Variants in MTA3 observed in about 807,000 individuals in gnomAD.
MTA3 encodes the protein metastasis associated 1 family member 3.
Under a neutral mutation model 83.5 loss-of-function variants are expected in MTA3, and 34 were observed. That is an observed-to-expected ratio of 0.41 (90% CI 0.31 to 0.54). The LOEUF (loss-of-function observed/expected upper bound fraction) is 0.54. Among genes scored for constraint, MTA3 ranks in the 20% least tolerant of loss-of-function variants. MTA3 has a pLI of 0.33. For missense variants in MTA3, 761 were observed against 726.4 expected, an observed-to-expected ratio of 1.05 and a Z score of -0.55; for synonymous variants, 303 against 252.7, an observed-to-expected ratio of 1.20 and a Z score of -1.89.
chr2:42,540,504 T>A (rs1676471203), intron 2 of MTA3, among the ~76,000 whole-genome samples: 1 of 152,018 alleles, frequency 6.6e-6, no homozygotes, highest in Admixed American at 6.6e-5. Flanking sequence ...AAATGATCTG[T>A]CTATATTTTG....
At chr2:42,731,865 G>A (rs1470321736) in intron 16 of MTA3, among the ~76,000 whole-genome samples, 1 of 152,176 alleles carries the variant, frequency 6.6e-6, no homozygotes, top group African/African-American at 2.4e-5. Context: ...TTACTTCCTA[G>A]ATACAGTGGG....
At chr2:42,688,868 A>G (rs1692632122) in intron 9 of MTA3, among the ~76,000 whole-genome samples, 1 of 152,120 alleles carries the variant, frequency 6.6e-6, no homozygotes. Context: ...TACAGTGTTC[A>G]AAAGAAGTGA....
chr2:42,570,963 A>G (rs1407827014), intron 2 of MTA3, among the ~76,000 whole-genome samples: 1 of 152,016 alleles, frequency 6.6e-6, no homozygotes, highest in Non-Finnish European at 1.5e-5. Context: ...CGGTGAGCCA[A>G]GATTGTGCAA....
intron 8 of MTA3, among the ~76,000 whole-genome samples, chr2:42,671,681 A>T (rs1341488422): frequency 6.6e-6 from 1 of 152,170 alleles, no homozygotes; most frequent in East Asian, 1.9e-4. Context: ...TATAATTTTT[A>T]ATTTAACTTG....
chr2:42,623,327 G>A (rs1006380211), intron 4 of MTA3, among the ~76,000 whole-genome samples: 1 of 152,192 alleles, frequency 6.6e-6, no homozygotes, highest in Non-Finnish European at 1.5e-5. Context: ...GTTGCTATGC[G>A]AAGGGTACTT....
chr2:42,546,711 G>A (rs1676773966), intron 2 of MTA3, among the ~76,000 whole-genome samples: 1 of 152,102 alleles, frequency 6.6e-6, no homozygotes, highest in South Asian at 2.1e-4. Context: ...TCTATTTAGA[G>A]GCATTTCCTG....
chr2:42,549,643 TATATA>T (rs1341382808), intron 2 of MTA3, among the ~76,000 whole-genome samples: 3 of 116,112 alleles, frequency 2.6e-5, no homozygotes, highest in East Asian at 4.4e-4. Context: ...ACATATATAA[TATATA>T]ATATATTATA....
chr2:42,559,857 C>T (rs892267255), intron 2 of MTA3, among the ~76,000 whole-genome samples: 3 of 151,360 alleles, frequency 2.0e-5, no homozygotes, highest in Admixed American at 6.6e-5. Flanking sequence ...GAGATTGAGC[C>T]GCTGCACTCC....
Position 42,624,290 on chromosome 2 carries a change from C to T in MTA3, c.317+14706C>T, listed in dbSNP as rs182812840. On this transcript the variant is annotated intron_variant, in intron 4 of 16. Transcript: ENST00000405094. ...ATTTTTATTAATTTTCATTTTGTAT[C>T]TTAATGTATATTAACTTTAATTTTT... Among the ~76,000 whole-genome samples the T allele has an allele frequency of 2.4e-4, 36 of 151,606 alleles. No homozygotes were observed. In the East Asian group the frequency reaches 5.2e-3, roughly 22 times the overall value.
intron 15 of MTA3, among the ~76,000 whole-genome samples, 191 bp from the exon 16 acceptor site, chr2:42,722,698 C>G (rs1408541435): frequency 1.3e-5 from 2 of 152,124 alleles, no homozygotes; most frequent in Non-Finnish European, 2.9e-5. Context: ...AGGGAAAAAA[C>G]CAGCTTACTT....
chr2:42,610,722 A>G (rs906354685), intron 4 of MTA3, among the ~76,000 whole-genome samples: 2 of 152,146 alleles, frequency 1.3e-5, no homozygotes, highest in Non-Finnish European at 1.5e-5. Context: ...TTCAAGAGGA[A>G]TTGCTACTTA....
At chr2:42,679,143 G>T (rs138160989) in intron 8 of MTA3, among the ~76,000 whole-genome samples, 1 of 152,102 alleles carries the variant, frequency 6.6e-6, no homozygotes, top group African/African-American at 2.4e-5. Flanking sequence ...CCTCATACTT[G>T]CCCTACCTAC....
intron 8 of MTA3, among the ~76,000 whole-genome samples, chr2:42,660,868 G>T (rs916678958): frequency 1.3e-5 from 2 of 152,122 alleles, no homozygotes; most frequent in African/African-American, 2.4e-5. Flanking sequence ...AATAAAGACA[G>T]GGTCTTACTA....
At chr2:42,749,970 G>T (rs1223304348) in intron 16 of MTA3, among the ~76,000 whole-genome samples, 1 of 151,974 alleles carries the variant, frequency 6.6e-6, no homozygotes, top group Non-Finnish European at 1.5e-5. Flanking sequence ...GGATATTAAT[G>T]ATAGTGGCTT....
chr2:42,551,749 T>C (rs1301103028), intron 2 of MTA3, among the ~76,000 whole-genome samples: 1 of 151,792 alleles, frequency 6.6e-6, no homozygotes, highest in Non-Finnish European at 1.5e-5. Context: ...TAATTTTTTT[T>C]TTCTTTTTGA....
intron 2 of MTA3, among the ~76,000 whole-genome samples, chr2:42,527,792 C>T (rs779267680): frequency 6.6e-6 from 1 of 151,458 alleles, no homozygotes; most frequent in African/African-American, 2.4e-5. Context: ...AAGGGTGAGG[C>T]CAGCCTGGTC....
chr2:42,584,488 C>A (rs1216189204), intron 3 of MTA3, among the ~76,000 whole-genome samples: 1 of 151,858 alleles, frequency 6.6e-6, no homozygotes, highest in Non-Finnish European at 1.5e-5. Flanking sequence ...ATATATAATG[C>A]AAATATACAT....
chr2:42,556,307 G>A (rs1677390762), intron 2 of MTA3, among the ~76,000 whole-genome samples: 1 of 152,128 alleles, frequency 6.6e-6, no homozygotes, highest in Admixed American at 6.5e-5. Flanking sequence ...TTCTGGAGGA[G>A]AGCCCTAGAC....
At chr2:42,559,462 A>G (rs1663480344) in intron 2 of MTA3, among the ~76,000 whole-genome samples, 1 of 151,198 alleles carries the variant, frequency 6.6e-6, no homozygotes. Context: ...AGATCATGCC[A>G]CAACACTCCA....
Sources: gnomAD v4.1 joint callset for allele counts (sites outside exome capture counted in the v4.1 genomes callset) on GRCh38, gnomAD v4.1.1 for gene constraint, MANE v1.5 for transcripts, NCBI Gene and HGNC (gene_info 2026-07-23, HGNC 2026-07-21) for gene names.